MTMR8: variants seen among roughly 807,000 people sequenced by gnomAD.
MTMR8 encodes myotubularin related protein 8.
A neutral mutation model predicts 39.3 loss-of-function variants in MTMR8; 65 were observed. The observed-to-expected ratio is 1.65, with a 90% CI of 1.35 to 2.03. The LOEUF (loss-of-function observed/expected upper bound fraction) is 2.03, where lower values mean the gene tolerates loss of function less well. Ranked by LOEUF, MTMR8 falls within the 30% of genes most tolerant of loss-of-function variation. The pLI is 0.00. For synonymous variants in MTMR8, 245 were observed against 185.2 expected (o/e 1.32, Z -2.62); for missense variants, 777 against 538.9 (o/e 1.44, Z -4.37).
At position 64,349,323 on chromosome X, in the gene MTMR8, T is replaced by C. The variant is rs144207581; in HGVS notation, c.598-529A>G. 6.7e-3 allele frequency among the ~76,000 whole-genome samples: 753 copies of C among 111,795 alleles called. 13 individuals are homozygous for C. Among genetic ancestry groups the C allele is most frequent in the African/African-American group, 0.023 (721 of 30,788 alleles). On this transcript the variant is annotated intron_variant, in intron 5 of 13. Coordinates refer to ENST00000374852, the MANE Select transcript of MTMR8 (RefSeq NM_017677.4). ...TGAATGTCTGGTAATGATTAGTTCA[T>C]GAAATTCGTTACACTTTGATGTGGC...
chrX:64,376,532 G>T (rs982464780), intron 1 of MTMR8, among the ~76,000 whole-genome samples: 2 of 111,975 alleles, frequency 1.8e-5, no homozygotes, highest in African/African-American at 6.5e-5. Flanking sequence ...ATGATTGAGG[G>T]TATGTGGCGG....
At chrX:64,289,234 G>A (rs765552235) in intron 12 of MTMR8, among the ~76,000 whole-genome samples, 1 of 110,350 alleles carries the variant, frequency 9.1e-6, no homozygotes, top group South Asian at 3.8e-4. Context: ...CATTAGAATG[G>A]CTACTATCCC....
chrX:64,329,949 A>C (rs1263648281), intron 11 of MTMR8, among the ~76,000 whole-genome samples: 2 of 111,845 alleles, frequency 1.8e-5, no homozygotes, highest in African/African-American at 6.5e-5. Flanking sequence ...TTTTAGCCCA[A>C]AATTACTAAT....
chrX:64,296,963 C>T (rs1308749060), intron 12 of MTMR8, among the ~76,000 whole-genome samples: 1 of 103,154 alleles, frequency 9.7e-6, no homozygotes, highest in Non-Finnish European at 2.0e-5. Flanking sequence ...GCCACATTTT[C>T]TTAATCCAGT....
At chrX:64,368,490 C>G (rs1020337019) in intron 1 of MTMR8, among the ~76,000 whole-genome samples, 1 of 111,461 alleles carries the variant, frequency 9.0e-6, no homozygotes, top group Non-Finnish European at 1.9e-5. Context: ...ACAAACCTGA[C>G]AAAAACAAGA....
At chrX:64,291,958 G>A (rs1198692424) in intron 12 of MTMR8, among the ~76,000 whole-genome samples, 1 of 111,433 alleles carries the variant, frequency 9.0e-6, no homozygotes, top group Non-Finnish European at 1.9e-5. Flanking sequence ...GCACTAGGTA[G>A]GCACCTGTGG....
chrX:64,307,082 T>C (rs1922144055), intron 12 of MTMR8, among the ~76,000 whole-genome samples: 1 of 112,303 alleles, frequency 8.9e-6, no homozygotes, highest in East Asian at 2.8e-4. Flanking sequence ...TTCAGTGAAA[T>C]GTTTATGTCT....
At chrX:64,271,127 A>G (rs1037926219) in intron 12 of MTMR8, 54 bp from the exon 13 acceptor site, 2 of 1,095,196 alleles carry the variant, frequency 1.8e-6, no homozygotes, top group African/African-American at 1.9e-5. Flanking sequence ...GGAGTAATTG[A>G]TTACCAATGT....
chrX:64,343,725 G>C lies in MTMR8; in HGVS notation c.866-5C>G, dbSNP rs1923275828. 8.8e-7 allele frequency: 1 copy of C among 1,136,141 alleles called. No homozygotes were observed. The highest frequency in any genetic ancestry group is 1.9e-5 in the South Asian group (1 of 53,322). The allele number at this position is 1,136,141 out of a possible 1,213,427, so 93.6% of individuals were successfully genotyped here. A position where few individuals can be genotyped will look rare whatever the true frequency, so the allele number is the denominator to read the frequency against. Reference sequence around the variant, plus strand: ...TTGGAGTTTTCAATTCACAAACTAAGGTAGAAAAGGAAGCAGAGATTGAAA... The same window carrying C: ...TTGGAGTTTTCAATTCACAAACTAACGTAGAAAAGGAAGCAGAGATTGAAA... On this transcript the variant is annotated splice_polypyrimidine_tract_variant and splice_region_variant and intron_variant, in intron 7 of 13. Coordinates refer to ENST00000374852, the MANE Select transcript of MTMR8 (RefSeq NM_017677.4).
intron 1 of MTMR8, chrX:64,360,390 CA>C (rs60554048): frequency 0.17 from 26,747 of 160,440 alleles, 83 homozygotes; most frequent in Admixed American, 0.18. Flanking sequence ...TCAAGCAGAC[CA>C]AAAAAAAAAA....
intron 12 of MTMR8, among the ~76,000 whole-genome samples, chrX:64,318,260 C>G (rs1026052919): frequency 8.9e-6 from 1 of 112,357 alleles, no homozygotes; most frequent in Non-Finnish European, 1.9e-5. Context: ...TTTGTGATAG[C>G]TTGATGAGGC....
In MTMR8 at chrX:64,269,010, T is replaced by G. The variant is rs779322916; in HGVS notation, c.1642A>C (p.Ile548Leu). 4 of 1,211,252 alleles carry G rather than the reference T, an allele frequency of 3.3e-6. No homozygotes were observed. In the South Asian group the frequency reaches 7.0e-5, roughly 21 times the overall value. ...TTTCCTAATTGAGAGCAGGTACAGATCTCTTCTGGTGGCTCATCACGGACT... is the reference window on the plus strand; with the variant it reads ...TTTCCTAATTGAGAGCAGGTACAGAGCTCTTCTGGTGGCTCATCACGGACT... ...LKVRDEPPEE[I>L]CTCSQLGNIL... Residue 548 changes from isoleucine to leucine, a missense_variant, in exon 14 of 14, where the codon ATC becomes CTC. Transcript: ENST00000374852.
At chrX:64,359,230 G>C (rs977333117) in intron 2 of MTMR8, among the ~76,000 whole-genome samples, 175 bp downstream of exon 2, 1 of 110,707 alleles carries the variant, frequency 9.0e-6, no homozygotes. Flanking sequence ...CCAATAACTT[G>C]AAAAAAGAGG....
chrX:64,385,693 G>T (rs916731181), intron 1 of MTMR8, among the ~76,000 whole-genome samples: 2 of 110,936 alleles, frequency 1.8e-5, no homozygotes, highest in African/African-American at 6.6e-5. Flanking sequence ...GCGGTGAGGT[G>T]CCACATACTT....
In MTMR8 at chrX:64,369,796, CT is replaced by C. The variant is rs747726005; in HGVS notation, c.25-10270del. ...AAAAATTATCCAGTCTCAGGTATTT[CT>C]TTATTGAAATGCAAGAACAGGCCTG... On this transcript the variant is annotated intron_variant, in intron 1 of 13. Coordinates refer to ENST00000374852, the MANE Select transcript of MTMR8 (RefSeq NM_017677.4). 5.4e-5 allele frequency among the ~76,000 whole-genome samples: 6 copies of C among 110,954 alleles called. No homozygotes were observed. The East Asian group carries it at 1.7e-3, about 32-fold the overall frequency.
chrX:64,304,895 TATATATATATATAC>T (rs1922036895), intron 12 of MTMR8, among the ~76,000 whole-genome samples: 1 of 67,783 alleles, frequency 1.5e-5, no homozygotes, highest in African/African-American at 6.0e-5. Context: ...TATATATATA[TATATATATATATAC>T]ACATACATAT....
chrX:64,344,834 G>A (rs1238419819), intron 7 of MTMR8, among the ~76,000 whole-genome samples: 4 of 111,300 alleles, frequency 3.6e-5, no homozygotes, highest in African/African-American at 1.3e-4. Context: ...ATTGAATTAT[G>A]AAACTGCACA....
intron 12 of MTMR8, among the ~76,000 whole-genome samples, chrX:64,278,457 C>G: frequency 2.7e-5 from 1 of 36,685 alleles, no homozygotes; most frequent in South Asian, 1.3e-3. Context: ...ATTTATTTTG[C>G]TGGTTTTTTT....
chrX:64,373,327 G>C (rs776778440), intron 1 of MTMR8, among the ~76,000 whole-genome samples: 1 of 111,449 alleles, frequency 9.0e-6, no homozygotes, highest in East Asian at 2.9e-4. Flanking sequence ...ATTAGATCAC[G>C]AGGGCAGATT....
Sources: gnomAD v4.1 joint callset for allele counts (sites outside exome capture counted in the v4.1 genomes callset) on GRCh38, gnomAD v4.1.1 for gene constraint, MANE v1.5 for transcripts, NCBI Gene and HGNC (gene_info 2026-07-23, HGNC 2026-07-21) for gene names.